ATP6V1A: variants seen among roughly 807,000 people sequenced by gnomAD.
ATP6V1A encodes V-type proton ATPase catalytic subunit A.
Under a neutral mutation model 70.1 loss-of-function variants are expected in ATP6V1A, and 18 were observed. The ratio of observed to expected loss-of-function variants is 0.26; its 90% confidence interval spans 0.18 to 0.38. The LOEUF is 0.38. Ranked by LOEUF, ATP6V1A falls within the 10% of genes least tolerant of loss-of-function variation. The pLI is 1.00. For synonymous variants in ATP6V1A, 232 were observed against 253.8 expected (o/e 0.91, Z 0.82); for missense variants, 424 against 772.4 (o/e 0.55, Z 5.35).
chr3:113,760,560 C>T (rs558499700), intron 1 of ATP6V1A, among the ~76,000 whole-genome samples: 3 of 141,610 alleles, frequency 2.1e-5, no homozygotes, highest in Non-Finnish European at 4.7e-5. Flanking sequence ...AACCCTGTCT[C>T]TACTAAAAAT....
chr3:113,752,479 C>T (rs1239541271), intron 1 of ATP6V1A, among the ~76,000 whole-genome samples: 1 of 151,842 alleles, frequency 6.6e-6, no homozygotes, highest in Non-Finnish European at 1.5e-5. Context: ...TATTTGAATT[C>T]ATAATGTCAG....
chr3:113,805,402 A>C lies in ATP6V1A; in HGVS notation c.1638A>C (p.Ala546=). The part of the protein sequence containing the change: ...KTVGMLSNMI[A]FYDMARRAVE... ...TAGGGATGCTGTCCAACATGATTGC[A>C]TTTTATGATATGGCTCGTAGAGCTG... Residue 546 remains alanine (A), a synonymous_variant, in exon 14 of 15, where the codon GCA becomes GCC. Coordinates refer to ENST00000273398, the MANE Select transcript of ATP6V1A (RefSeq NM_001690.4). 6.2e-7 allele frequency: 1 copy of C among 1,614,104 alleles called. No individual in the cohort carries two copies. Among genetic ancestry groups the C allele is most frequent in the Non-Finnish European group, 8.5e-7 (1 of 1,179,984 alleles).
intron 12 of ATP6V1A, among the ~76,000 whole-genome samples, chr3:113,799,664 CAG>C (rs779797786): frequency 4.6e-5 from 7 of 151,930 alleles, no homozygotes; most frequent in South Asian, 2.1e-4. Context: ...AGAAATATAA[CAG>C]AATTAACAGA....
rs185303217 is a variant in ATP6V1A at position 113,805,032 on chromosome 3, G to A, written c.1590-322G>A. 8.7e-4 allele frequency among the ~76,000 whole-genome samples: 133 copies of A among 152,254 alleles called. 1 individual carries two copies. Among genetic ancestry groups the A allele is most frequent in the African/African-American group, 3.1e-3 (127 of 41,560 alleles). On this transcript the variant is annotated intron_variant, in intron 13 of 14. Transcript: ENST00000273398. The stretch of plus-strand genomic sequence containing the variant: ...CATTGTACAAAAACAAACCCTCAGA[G>A]AGTCATTAGATTATAGTAATACTGT...
At chr3:113,752,020 G>C (rs2108005355) in intron 1 of ATP6V1A, among the ~76,000 whole-genome samples, 1 of 151,666 alleles carries the variant, frequency 6.6e-6, no homozygotes, top group Admixed American at 6.6e-5. Flanking sequence ...TATTATTTTT[G>C]GTATTATTAT....
intron 1 of ATP6V1A, among the ~76,000 whole-genome samples, chr3:113,773,085 G>T (rs1010296035): frequency 1.3e-5 from 2 of 151,436 alleles, no homozygotes; most frequent in African/African-American, 4.9e-5. Context: ...TTACAGGTGC[G>T]CGACACCACG....
intron 1 of ATP6V1A, among the ~76,000 whole-genome samples, chr3:113,778,335 A>C (rs190836875): frequency 2.0e-5 from 3 of 152,196 alleles, no homozygotes; most frequent in Admixed American, 1.3e-4. Context: ...CAGAGGTTGC[A>C]GTGAGCAGAG....
At chr3:113,785,237 C>T (rs751658963) in intron 5 of ATP6V1A, among the ~76,000 whole-genome samples, 3 of 151,996 alleles carry the variant, frequency 2.0e-5, no homozygotes, top group African/African-American at 4.8e-5. Context: ...GTCAGGAGAT[C>T]GAGACCAGCC....
At chr3:113,805,749 T>C (rs1413296447) in intron 14 of ATP6V1A, among the ~76,000 whole-genome samples, 1 of 152,132 alleles carries the variant, frequency 6.6e-6, no homozygotes, top group African/African-American at 2.4e-5. Flanking sequence ...TTGGATTTTT[T>C]TAGTAGAGAT....
chr3:113,777,574 A>G (rs909707378), intron 1 of ATP6V1A, among the ~76,000 whole-genome samples: 1 of 152,164 alleles, frequency 6.6e-6, no homozygotes, highest in African/African-American at 2.4e-5. Flanking sequence ...TAGGCAAAAT[A>G]CTGAGATCCT....
At chr3:113,767,086 C>CTTTTTTT (rs369126041) in intron 1 of ATP6V1A, among the ~76,000 whole-genome samples, 3 of 107,840 alleles carry the variant, frequency 2.8e-5, no homozygotes, top group Non-Finnish European at 5.6e-5. Context: ...GATGTTATGT[C>CTTTTTTT]TTTTTTTTTT....
At chr3:113,760,046 A>G (rs1298756111) in intron 1 of ATP6V1A, among the ~76,000 whole-genome samples, 5 of 152,268 alleles carry the variant, frequency 3.3e-5, no homozygotes, top group Non-Finnish European at 7.3e-5. Context: ...CCAGAGGAGC[A>G]GGCAGTTAAT....
chr3:113,781,600 A>T (rs1380866093), intron 3 of ATP6V1A, among the ~76,000 whole-genome samples: 1 of 152,214 alleles, frequency 6.6e-6, no homozygotes, highest in Non-Finnish European at 1.5e-5. Flanking sequence ...GAAGCATGAA[A>T]TGCTGGTGTT....
intron 6 of ATP6V1A, among the ~76,000 whole-genome samples, chr3:113,787,970 G>C (rs1255169773): frequency 6.6e-6 from 1 of 152,140 alleles, no homozygotes; most frequent in African/African-American, 2.4e-5. Context: ...ACCCAGGCTG[G>C]AATGCAATGG....
Position 113,785,939 on chromosome 3 carries a change from G to C in ATP6V1A, c.565-293G>C, listed in dbSNP as rs982903601. Among the ~76,000 whole-genome samples the C allele has an allele frequency of 2.8e-5, 4 of 143,434 alleles. No homozygotes were observed. In the Admixed American group the frequency reaches 2.9e-4, roughly 10 times the overall value. 94.1% of individuals were successfully genotyped at this position (143,434 alleles called of 152,430 possible). A position where few individuals can be genotyped will look rare whatever the true frequency, so the allele number is the denominator to read the frequency against. ...GGGGTGCTGGAACTACTGGGCTTAA[G>C]CAATCCTCCTGCCTCAGTTTTCTGA... On this transcript the variant is annotated intron_variant, in intron 5 of 14. Coordinates refer to ENST00000273398, the MANE Select transcript of ATP6V1A (RefSeq NM_001690.4).
chr3:113,781,689 A>G (rs897706660), intron 3 of ATP6V1A, among the ~76,000 whole-genome samples: 1 of 152,214 alleles, frequency 6.6e-6, no homozygotes, highest in Non-Finnish European at 1.5e-5. Context: ...TATTTTAAGA[A>G]ATTAGTATCT....
intron 1 of ATP6V1A, among the ~76,000 whole-genome samples, chr3:113,770,277 T>G (rs1708820150): frequency 6.6e-6 from 1 of 152,196 alleles, no homozygotes. Flanking sequence ...CTTGAACTCC[T>G]GACCACAAGT....
Position 113,757,526 on chromosome 3 carries a change from A to C in ATP6V1A, c.-14+10413A>C, listed in dbSNP as rs115566084. Among the ~76,000 whole-genome samples the C allele has an allele frequency of 9.4e-3, 1,437 of 152,350 alleles. 17 individuals are homozygous for C. Among genetic ancestry groups the C allele is most frequent in the African/African-American group, 0.033 (1,374 of 41,576 alleles). On this transcript the variant is annotated intron_variant, in intron 1 of 14. Transcript: ENST00000273398. ...ACGAAAGTGTGTTCAAGATGGAGTTAATATTTTCCTAAATTCTCATTCAAC... is the reference window on the plus strand; with the variant it reads ...ACGAAAGTGTGTTCAAGATGGAGTTCATATTTTCCTAAATTCTCATTCAAC...
At chr3:113,772,236 T>A (rs891191566) in intron 1 of ATP6V1A, among the ~76,000 whole-genome samples, 2 of 152,214 alleles carry the variant, frequency 1.3e-5, no homozygotes, top group Admixed American at 6.5e-5. Context: ...ACTCTGCATC[T>A]GAGGCTGACC....
Sources: gnomAD v4.1 joint callset for allele counts (sites outside exome capture counted in the v4.1 genomes callset) on GRCh38, gnomAD v4.1.1 for gene constraint, MANE v1.5 for transcripts, NCBI Gene and HGNC (gene_info 2026-07-23, HGNC 2026-07-21) for gene names.